Variants in FCAMR observed in about 807,000 individuals in gnomAD.
FCAMR encodes high affinity immunoglobulin alpha and immunoglobulin mu Fc receptor.
In FCAMR, 51 loss-of-function variants were observed where a neutral mutation model predicts 52.2. The ratio of observed to expected loss-of-function variants is 0.98; its 90% CI spans 0.78 to 1.23. FCAMR has a LOEUF of 1.23. Among genes scored for constraint, FCAMR ranks in the 50% most tolerant of loss-of-function variants. The probability of loss-of-function intolerance (pLI) is 0.00; values close to 1 mark genes in which losing one functional copy is unlikely to be tolerated. For synonymous variants in FCAMR, 282 were observed against 262.0 expected (o/e 1.08, Z -0.74); for missense variants, 719 against 712.6 (o/e 1.01, Z -0.10).
At chr1:206,966,981 C>T (rs1255077271) in intron 3 of FCAMR, 71 bp downstream of exon 3, 1 of 1,515,258 alleles carries the variant, frequency 6.6e-7, no homozygotes, top group African/African-American at 1.4e-5. Context: ...CCTGTGAGGA[C>T]CTTTAGGGCA....
chr1:206,958,187 T>G lies in FCAMR; in HGVS notation c.*329A>C. ...AAGGGCTGGGAGTGTTGATAGGGGA[T>G]TTGTCACTTTCCACACTGATTGGAA... is the stretch of plus-strand genomic sequence containing the variant. On this transcript the variant is annotated 3_prime_UTR_variant, in exon 8 of 8. Transcript: ENST00000324852. 1 of 214,660 alleles carries G rather than the reference T, an allele frequency of 4.7e-6. No individual in the cohort carries two copies. The allele number at this position is 214,660 out of a possible 1,614,324, so 13.3% of individuals were successfully genotyped here. A position where few individuals can be genotyped will look rare whatever the true frequency, so the allele number is the denominator to read the frequency against.
At position 206,965,841 on chromosome 1, in the gene FCAMR, G is replaced by C. The variant is rs778672795; in HGVS notation, c.187C>G (p.Pro63Ala). 1 of 1,606,146 alleles carries C rather than the reference G, an allele frequency of 6.2e-7. No homozygotes were observed. The highest frequency in any genetic ancestry group is 8.5e-7 in the Non-Finnish European group (1 of 1,176,624). ...CLLQGSSFAL[P>A]QKRPHPRWLW... is the part of the protein sequence containing the mutation. ...CATCTCGGATGGGGTCTTTTTTGTG[G>C]AAGGGCGAAAGAAGAACCTGCAGCA... The change falls in exon 4 of 8, where the codon CCA becomes GCA. Residue 63 changes from proline (P) to alanine (A), a missense_variant. Transcript: ENST00000324852.
chr1:206,960,805 C>A lies in FCAMR; in HGVS notation c.1071G>T (p.Glu357Asp). The change falls in exon 6 of 8, where the codon GAG becomes GAT. Residue 357 changes from glutamate to aspartate, a missense_variant. Glu to Asp is a conservative substitution (Grantham distance 45, BLOSUM62 2). Coordinates refer to ENST00000324852, the MANE Select transcript of FCAMR (RefSeq NM_001170631.2). ...GAGCTATCCTGACCCCCTCTATGTCCTCCCTTGGCCTATCAGCCTTGGTAG... is the reference window on the plus strand; with the variant it reads ...GAGCTATCCTGACCCCCTCTATGTCATCCCTTGGCCTATCAGCCTTGGTAG... Reference protein sequence around the residue: ...MTTTKADRPREDIEGVRIALD... With the variant: ...MTTTKADRPRDDIEGVRIALD... 1.9e-6 allele frequency: 3 copies of A among 1,552,434 alleles called. No homozygotes were observed. The highest frequency in any genetic ancestry group is 2.6e-6 in the Non-Finnish European group (3 of 1,147,162).
chr1:206,969,444 G>A (rs1174756211), intron 1 of FCAMR: 3 of 373,886 alleles, frequency 8.0e-6, no homozygotes, highest in South Asian at 6.0e-5. Flanking sequence ...GAGACAGGGG[G>A]CCATAATTCA....
rs1680695114 is a variant in FCAMR at position 206,966,009 on chromosome 1, C to A, written c.170-151G>T. 7 of 994,070 alleles carry A rather than the reference C, an allele frequency of 7.0e-6. No individual in the cohort carries two copies. In the South Asian group the frequency reaches 1.0e-4, roughly 15 times the overall value. 61.6% of individuals were successfully genotyped at this position (994,070 alleles called of 1,614,324 possible). A position where few individuals can be genotyped will look rare whatever the true frequency, so the allele number is the denominator to read the frequency against. Reference sequence around the variant, plus strand: ...CAAGTAAGAGCTGCCTGCCCTCCTGCAGCTTCTCCCTCCCACTGCTACCAC... The same window carrying A: ...CAAGTAAGAGCTGCCTGCCCTCCTGAAGCTTCTCCCTCCCACTGCTACCAC... On this transcript the variant is annotated intron_variant, in intron 3 of 7. Transcript: ENST00000324852.
In FCAMR at chr1:206,958,505, C is replaced by T. The variant is rs1177928474; in HGVS notation, c.*11G>A. 3.7e-6 allele frequency: 6 copies of T among 1,607,962 alleles called. No homozygotes were observed. The highest frequency in any genetic ancestry group is 2.2e-4 in the Middle Eastern group (1 of 4,586). On this transcript the variant is annotated 3_prime_UTR_variant, in exon 8 of 8. Transcript: ENST00000324852. ...CTCCCATGGTAACTGAGCAGTTCAT[C>T]TCTCTGTCCCTCAGGGTCCTGGATT... is the stretch of plus-strand genomic sequence containing the variant.
rs537117005 is a variant in FCAMR, at chr1:206,959,464, A to G, written c.1573+215T>C. On this transcript the variant is annotated intron_variant, in intron 7 of 7. Coordinates refer to ENST00000324852, the MANE Select transcript of FCAMR (RefSeq NM_001170631.2). ...TGCACTCCAGCCTGGATGACAGAGC[A>G]AGAGTCTGTCTAAAAAAAAAAAAAA... Among the ~76,000 whole-genome samples, 11 of 150,784 alleles carry G rather than the reference A, an allele frequency of 7.3e-5. No homozygotes were observed. In the South Asian group the frequency reaches 2.3e-3, roughly 32 times the overall value.
chr1:206,966,067 T>C (rs975880230), intron 3 of FCAMR, among the ~76,000 whole-genome samples: 12 of 151,790 alleles, frequency 7.9e-5, no homozygotes, highest in African/African-American at 2.9e-4. Context: ...GCTGCCTAGA[T>C]TGGGAGGAGA....
Position 206,961,157 on chromosome 1 carries a change from G to C in FCAMR, c.719C>G (p.Thr240Arg). The part of the protein sequence containing the change: ...AGELTMRSYG[T>R]ASPVANRWTP... ...CCATCTGTTGGCCACTGGAGACGCT[G>C]TTCCATAGGATCTCATGGTGAGCTC... The change falls in exon 6 of 8, where the codon ACA becomes AGA. Residue 240 changes from threonine to arginine, a missense_variant. By Grantham distance (71) the Thr-to-Arg change is moderately conservative (BLOSUM62 -1). Transcript: ENST00000324852. 6.4e-7 allele frequency: 1 copy of C among 1,551,700 alleles called. No individual in the cohort carries two copies. Among genetic ancestry groups the C allele is most frequent in the Non-Finnish European group, 8.7e-7 (1 of 1,146,972 alleles).
intron 4 of FCAMR, among the ~76,000 whole-genome samples, chr1:206,962,919 C>A (rs190175165): frequency 3.3e-4 from 50 of 152,280 alleles, no homozygotes; most frequent in African/African-American, 1.1e-3. Flanking sequence ...CTCAGTCACT[C>A]CTCACTGTAG....
At chr1:206,965,924 G>T in intron 3 of FCAMR, 66 bp from the exon 4 acceptor site, 1 of 1,605,648 alleles carries the variant, frequency 6.2e-7, no homozygotes, top group Non-Finnish European at 8.5e-7. Context: ...CACCTACAGA[G>T]GAAGAAGCAA....
At chr1:206,967,675 T>G (rs1339115083) in intron 1 of FCAMR, 24 bp from the exon 2 acceptor site, 7 of 1,611,574 alleles carry the variant, frequency 4.3e-6, no homozygotes, top group Non-Finnish European at 5.9e-6. Context: ...GGGAATTGGT[T>G]TTTTCAAGGG....
intron 1 of FCAMR, among the ~76,000 whole-genome samples, chr1:206,969,512 T>C (rs1315430579): frequency 6.6e-6 from 1 of 152,130 alleles, no homozygotes; most frequent in African/African-American, 2.4e-5. Flanking sequence ...GATGAGACCA[T>C]ATGAGGGGAC....
Position 206,964,179 on chromosome 1 carries a change from T to C in FCAMR, c.313+1536A>G, listed in dbSNP as rs372037345. On this transcript the variant is annotated intron_variant, in intron 4 of 7. Coordinates refer to ENST00000324852, the MANE Select transcript of FCAMR (RefSeq NM_001170631.2). ...CTCCGACAAAGCCCTCACAGTGAGC[T>C]CTGCAGCCGCTGATGATTCTCTCCC... Among the ~76,000 whole-genome samples the C allele has an allele frequency of 8.5e-5, 13 of 152,276 alleles. No individual in the cohort carries two copies. In the Middle Eastern group the frequency reaches 0.014, roughly 159 times the overall value.
chr1:206,966,948 C>A (rs1680735075), intron 3 of FCAMR, 104 bp downstream of exon 3: 2 of 1,075,934 alleles, frequency 1.9e-6, no homozygotes, highest in Non-Finnish European at 2.8e-6. Flanking sequence ...ATGGTTTATA[C>A]CTGGACAGTT....
intron 1 of FCAMR, among the ~76,000 whole-genome samples, chr1:206,969,058 C>G (rs1001893655): frequency 1.3e-4 from 20 of 152,208 alleles, no homozygotes; most frequent in Admixed American, 1.0e-3. Flanking sequence ...CTGTCCCCAC[C>G]TGGAGACTCT....
rs138161988 is a variant in FCAMR at position 206,966,112 on chromosome 1, C to G, written c.170-254G>C. 1.8e-3 allele frequency among the ~76,000 whole-genome samples: 274 copies of G among 152,300 alleles called. 1 individual carries two copies. Among genetic ancestry groups the G allele is most frequent in the East Asian group, 4.8e-3 (25 of 5,176 alleles). ...AAGAGGGAAGGCAGCAACCACACCC[C>G]CTTCCTGGACTGCAGGCCTTGAGGG... On this transcript the variant is annotated intron_variant, in intron 3 of 7. Transcript: ENST00000324852.
At position 206,958,480 on chromosome 1, in the gene FCAMR, C is replaced by T; in HGVS notation, c.*36G>A. On this transcript the variant is annotated 3_prime_UTR_variant, in exon 8 of 8. Coordinates refer to ENST00000324852, the MANE Select transcript of FCAMR (RefSeq NM_001170631.2). ...CTGAAGGCCTTTGATCTTGGTCCTT[C>T]TCCCATGGTAACTGAGCAGTTCATC... 1 of 1,576,592 alleles carries T rather than the reference C, an allele frequency of 6.3e-7. No homozygotes were observed. The highest frequency in any genetic ancestry group is 8.6e-7 in the Non-Finnish European group (1 of 1,160,240).
At chr1:206,962,781 C>G (rs981058855) in intron 4 of FCAMR, among the ~76,000 whole-genome samples, 4 of 152,148 alleles carry the variant, frequency 2.6e-5, no homozygotes, top group African/African-American at 9.7e-5. Flanking sequence ...CCTTGATAAG[C>G]TAACACTTAT....
Sources: gnomAD v4.1 joint callset for allele counts (sites outside exome capture counted in the v4.1 genomes callset) on GRCh38, gnomAD v4.1.1 for gene constraint, MANE v1.5 for transcripts, NCBI Gene and HGNC (gene_info 2026-07-23, HGNC 2026-07-21) for gene names.